The following EDDM13 variants were observed in gnomAD, a reference collection of about 807,000 sequenced individuals.
The protein encoded by EDDM13 is epididymal protein 13.
EDDM13 carries 24 observed loss-of-function variants against 17.8 expected under a neutral mutation model. That is an observed-to-expected ratio of 1.35 (90% CI 0.98 to 1.90). The LOEUF is 1.90. EDDM13 is among the 40% of genes most tolerant of loss of function. The pLI, the probability that EDDM13 is intolerant of heterozygous loss-of-function variation, is 0.00. For missense variants in EDDM13, 97 were observed against 100.8 expected, an observed-to-expected ratio of 0.96 and a Z score of 0.16; for synonymous variants, 31 against 37.5, an observed-to-expected ratio of 0.83 and a Z score of 0.63.
At chr19:56,289,701 C>A (rs1203032798) in intron 8 of EDDM13, among the ~76,000 whole-genome samples, 1 of 152,132 alleles carries the variant, frequency 6.6e-6, no homozygotes, top group African/African-American at 2.4e-5. Context: ...GCAACTTAGA[C>A]CCCCCAGGCT....
intron 1 of EDDM13, among the ~76,000 whole-genome samples, chr19:56,275,448 T>C (rs908812559): frequency 1.3e-5 from 2 of 152,230 alleles, no homozygotes; most frequent in East Asian, 1.9e-4. Context: ...TTTATCGTAT[T>C]GGTTGGGTGC....
At chr19:56,287,717 T>C (rs1362216118) in intron 6 of EDDM13, among the ~76,000 whole-genome samples, 2 of 152,202 alleles carry the variant, frequency 1.3e-5, no homozygotes. Context: ...AGAAATCATC[T>C]GAGTCATTAA....
intron 3 of EDDM13, 33 bp from the exon 4 acceptor site, chr19:56,282,458 G>A (rs2038785342): frequency 1.0e-6 from 1 of 984,810 alleles, no homozygotes; most frequent in Admixed American, 6.2e-5. Flanking sequence ...GCTACCATCG[G>A]TCCTGTCCTT....
chr19:56,286,314 T>C (rs1413528250), intron 6 of EDDM13: 1 of 152,170 alleles, frequency 6.6e-6, no homozygotes, highest in East Asian at 1.9e-4. Context: ...GCCCCGCACC[T>C]GACCCAAACT....
chr19:56,297,987 ATTAT>A (rs1460483117), intron 12 of EDDM13: 1 of 150,352 alleles, frequency 6.7e-6, no homozygotes, highest in East Asian at 2.0e-4. Context: ...AGGCAGGAGG[ATTAT>A]TTGAGCTGGG....
At chr19:56,289,974 G>A (rs926032702) in intron 8 of EDDM13, among the ~76,000 whole-genome samples, 1 of 152,192 alleles carries the variant, frequency 6.6e-6, no homozygotes, top group African/African-American at 2.4e-5. Flanking sequence ...AGGAGTTGAA[G>A]AAAACGAATA....
intron 8 of EDDM13, among the ~76,000 whole-genome samples, chr19:56,289,432 C>A (rs1351175712): frequency 6.6e-6 from 1 of 152,144 alleles, no homozygotes; most frequent in African/African-American, 2.4e-5. Context: ...GTGGAGCAGT[C>A]TCTTCGGAAG....
intron 2 of EDDM13, chr19:56,280,796 T>C (rs1156952149): frequency 6.6e-6 from 1 of 152,194 alleles, no homozygotes; most frequent in East Asian, 1.9e-4. Context: ...TCATGAAAGT[T>C]GAGCCCTTGT....
chr19:56,288,066 T>C (rs907731180), intron 6 of EDDM13, among the ~76,000 whole-genome samples: 1 of 152,156 alleles, frequency 6.6e-6, no homozygotes, highest in Non-Finnish European at 1.5e-5. Context: ...TTGCTGATGG[T>C]CACGAGGCTG....
intron 8 of EDDM13, among the ~76,000 whole-genome samples, chr19:56,289,280 CTTTT>C (rs1460293803): frequency 6.6e-6 from 1 of 152,092 alleles, no homozygotes; most frequent in Non-Finnish European, 1.5e-5. Flanking sequence ...TAAGCTATGT[CTTTT>C]TTTATTTGGT....
chr19:56,301,405 T>G (rs1270695690), intron 12 of EDDM13, among the ~76,000 whole-genome samples: 1 of 152,076 alleles, frequency 6.6e-6, no homozygotes, highest in Non-Finnish European at 1.5e-5. Flanking sequence ...CTGGTGGGCG[T>G]GTCTCTTAGC....
At position 56,302,115 on chromosome 19, in the gene EDDM13, G is replaced by T. The variant is rs1437437725; in HGVS notation, c.423+20G>T. ...GACTGGGTAAGAAGAAGGCAGCACG[G>T]AGGGGAGGAGTGTGAGGAGAGGAAG... On this transcript the variant is annotated intron_variant, in intron 13 of 14. Transcript: ENST00000649256. 2.2e-5 allele frequency: 27 copies of T among 1,230,902 alleles called. No individual in the cohort carries two copies. Among genetic ancestry groups the T allele is most frequent in the Non-Finnish European group, 2.0e-6 (2 of 987,312 alleles). 76.2% of individuals were successfully genotyped at this position (1,230,902 alleles called of 1,614,324 possible).
At chr19:56,296,411 T>C (rs2039876698) in intron 11 of EDDM13, 49 bp downstream of exon 11, 1 of 146,198 alleles carries the variant, frequency 6.8e-6, no homozygotes, top group Non-Finnish European at 1.5e-5. Flanking sequence ...CACAGAAATA[T>C]ACAGGTACTG....
At chr19:56,302,185 C>A in intron 13 of EDDM13, 90 bp downstream of exon 13, 1 of 983,178 alleles carries the variant, frequency 1.0e-6, no homozygotes, top group East Asian at 3.3e-5. Flanking sequence ...AAGGAGGGTG[C>A]CTCAGAGGTG....
intron 1 of EDDM13, among the ~76,000 whole-genome samples, chr19:56,273,659 C>T (rs12461130): frequency 0.43 from 65,940 of 151,834 alleles, 15,610 homozygotes; most frequent in Non-Finnish European, 0.53. Flanking sequence ...CTGAGTCCCT[C>T]CATCAGAGAG....
intron 11 of EDDM13, 122 bp from the exon 12 acceptor site, chr19:56,297,382 CT>C (rs2039947347): frequency 5.8e-6 from 1 of 173,404 alleles, no homozygotes; most frequent in Admixed American, 6.6e-5. Context: ...TCCTCCCTCC[CT>C]CTCTCCCTCC....
At chr19:56,304,348 C>T (rs1014345156) in intron 13 of EDDM13, among the ~76,000 whole-genome samples, 2 of 152,174 alleles carry the variant, frequency 1.3e-5, no homozygotes, top group Non-Finnish European at 2.9e-5. Context: ...ACGGGGGTGA[C>T]GTTGCCACCC....
intron 13 of EDDM13, chr19:56,302,719 C>G (rs2040427576): frequency 2.7e-6 from 1 of 369,928 alleles, no homozygotes; most frequent in East Asian, 3.7e-5. Flanking sequence ...TTCTTCCCTC[C>G]CTCCCACCTC....
At chr19:56,301,848 AT>A in intron 12 of EDDM13, 119 bp from the exon 13 acceptor site, 2 of 1,187,140 alleles carry the variant, frequency 1.7e-6, no homozygotes, top group Non-Finnish European at 2.1e-6. Context: ...CAAAATTTCA[AT>A]TCAGGAGGCA....
Sources: allele counts gnomAD v4.1 joint callset (sites outside exome capture counted in the v4.1 genomes callset), GRCh38; gene constraint gnomAD v4.1.1; transcripts MANE v1.5; gene names NCBI Gene and HGNC (gene_info 2026-07-23, HGNC 2026-07-21).